Variants in ABCA8 observed in about 807,000 individuals in gnomAD.
The protein encoded by ABCA8 is ABC-type organic anion transporter ABCA8.
Under a neutral mutation model 192.3 loss-of-function variants are expected in ABCA8, and 177 were observed. The ratio of observed to expected loss-of-function variants is 0.92; its 90% CI spans 0.81 to 1.04. The LOEUF (loss-of-function observed/expected upper bound fraction) is 1.04, where lower values mean the gene tolerates loss of function less well. Ranked by LOEUF, ABCA8 falls within the 50% of genes least tolerant of loss-of-function variation. ABCA8 has a pLI of 0.00. For missense variants in ABCA8, 1,915 were observed against 1,904.8 expected (o/e 1.01, Z -0.10); for synonymous variants, 642 against 690.2 (o/e 0.93, Z 1.09).
At chr17:68,902,119 T>G (rs2066931342) in intron 21 of ABCA8, among the ~76,000 whole-genome samples, 1 of 152,214 alleles carries the variant, frequency 6.6e-6, no homozygotes, top group Non-Finnish European at 1.5e-5. Flanking sequence ...AAAAATGAAG[T>G]ATTGATACAT....
chr17:68,917,532 T>C (rs1274187860), intron 16 of ABCA8, 81 bp from the exon 17 acceptor site: 2 of 976,508 alleles, frequency 2.0e-6, no homozygotes, highest in Admixed American at 2.3e-5. Context: ...TAATCATCTA[T>C]ATAATCAAAC....
At position 68,912,769 on chromosome 17, in the gene ABCA8, CAGAG is replaced by C. The variant is rs141921261; in HGVS notation, c.2138+4588_2138+4591del. 6.0e-5 allele frequency among the ~76,000 whole-genome samples: 9 copies of C among 149,886 alleles called. No individual in the cohort carries two copies. The South Asian group carries it at 1.0e-3, about 17-fold the overall frequency. ...ATGCAAATGTTATTAAGGCTAAAGA[CAGAG>C]AGAGAGAGAGAGACCCAATACAATA... is the stretch of plus-strand genomic sequence containing the variant. On this transcript the variant is annotated intron_variant, in intron 17 of 39. Coordinates refer to ENST00000586539, the MANE Select transcript of ABCA8 (RefSeq NM_001288985.2).
chr17:68,881,005 T>G, intron 32 of ABCA8, 115 bp downstream of exon 32: 1 of 743,934 alleles, frequency 1.3e-6, no homozygotes, highest in Non-Finnish European at 2.4e-6. Context: ...CTTGGGTAGT[T>G]CATTAATCAC....
At chr17:68,923,561 A>G (rs2067606368) in intron 11 of ABCA8, among the ~76,000 whole-genome samples, 1 of 152,196 alleles carries the variant, frequency 6.6e-6, no homozygotes, top group South Asian at 2.1e-4. Context: ...CACAGCACTT[A>G]TAATTGGGCA....
chr17:68,904,300 TAATAA>T (rs1412291599), intron 19 of ABCA8, among the ~76,000 whole-genome samples: 4 of 6,982 alleles, frequency 5.7e-4, no homozygotes, highest in Non-Finnish European at 8.4e-4. Context: ...GAAATAATAA[TAATAA>T]TAATAATAAT....
In ABCA8 at chr17:68,919,369, T is replaced by C; in HGVS notation, c.1720A>G (p.Thr574Ala). ...PQSNVQFDFL[T>A]VRENLRLFAK... Reference sequence around the variant, plus strand: ...AAGAGTCTGAGGTTTTCTCTTACAGTGAGGAAGTCAAATTGCACATTGGAT... The same window carrying C: ...AAGAGTCTGAGGTTTTCTCTTACAGCGAGGAAGTCAAATTGCACATTGGAT... Residue 574 changes from threonine to alanine, a missense_variant, in exon 14 of 40, where the codon ACT becomes GCT. By Grantham distance (58) the Thr-to-Ala change is moderately conservative. Transcript: ENST00000586539. 1.2e-6 allele frequency: 2 copies of C among 1,614,046 alleles called. No homozygotes were observed. The highest frequency in any genetic ancestry group is 1.1e-5 in the South Asian group (1 of 91,074).
At position 68,910,453 on chromosome 17, in the gene ABCA8, G is replaced by A. The variant is rs529175549; in HGVS notation, c.2139-2574C>T. Among the ~76,000 whole-genome samples, 3 of 152,278 alleles carry A rather than the reference G, an allele frequency of 2.0e-5. No homozygotes were observed. In the East Asian group the frequency reaches 5.8e-4, roughly 29 times the overall value. On this transcript the variant is annotated intron_variant, in intron 17 of 39. Transcript: ENST00000586539. ...TAGACCAGCCTTAGCCAGAGGGGAA[G>A]CATTCATCCCACTACCATGGACTAA... is the stretch of plus-strand genomic sequence containing the variant.
rs564395276 is a variant in ABCA8, at chr17:68,896,280, CAG to C, written c.2765-1269_2765-1268del. On this transcript the variant is annotated intron_variant, in intron 21 of 39. Transcript: ENST00000586539. ...AAGTTTACTAGAGAGAGCAGCAAAA[CAG>C]AGAGTTAAGAAGAGCCCTTCTGTGG... is the stretch of plus-strand genomic sequence containing the variant. Among the ~76,000 whole-genome samples the C allele has an allele frequency of 2.7e-3, 405 of 152,262 alleles. 1 individual carries two copies. The highest frequency in any genetic ancestry group is 8.8e-3 in the African/African-American group (366 of 41,544).
At chr17:68,896,144 CAG>C (rs2066751892) in intron 21 of ABCA8, among the ~76,000 whole-genome samples, 1 of 152,088 alleles carries the variant, frequency 6.6e-6, no homozygotes, top group Non-Finnish European at 1.5e-5. Context: ...TTAGTTGGAA[CAG>C]AGTTTGGGGA....
At chr17:68,930,725 A>G (rs1005690585) in intron 7 of ABCA8, among the ~76,000 whole-genome samples, 9 of 152,158 alleles carry the variant, frequency 5.9e-5, no homozygotes, top group African/African-American at 2.4e-5. Flanking sequence ...TTTTGGCTCT[A>G]TAGTCTTTAG....
chr17:68,927,884 T>A (rs1191161350), intron 10 of ABCA8, 32 bp downstream of exon 10: 5 of 1,446,840 alleles, frequency 3.5e-6, no homozygotes, highest in Non-Finnish European at 4.7e-6. Flanking sequence ...ACTATTTAAA[T>A]GATATATGAT....
intron 26 of ABCA8, 85 bp downstream of exon 26, chr17:68,886,932 A>T: frequency 1.2e-6 from 1 of 826,836 alleles, no homozygotes; most frequent in Non-Finnish European, 1.9e-6. Flanking sequence ...TAATATTATC[A>T]TCCTACAGAG....
rs141102127 is a variant in ABCA8, at chr17:68,914,093, A to T, written c.2138+3268T>A. On this transcript the variant is annotated intron_variant, in intron 17 of 39. Transcript: ENST00000586539. ...CTGATGCTGAAAAAGCAATTGATAA[A>T]ATTCAACATCTCTTCATGATAAAAC... Among the ~76,000 whole-genome samples the T allele has an allele frequency of 2.5e-3, 382 of 152,258 alleles. 1 individual carries two copies. Among genetic ancestry groups the T allele is most frequent in the Admixed American group, 3.1e-3 (47 of 15,300 alleles).
chr17:68,881,146 C>A lies in ABCA8; in HGVS notation c.4012G>T (p.Gly1338Ter), dbSNP rs375299285. 5 of 1,613,578 alleles carry A rather than the reference C, an allele frequency of 3.1e-6. No individual in the cohort carries two copies. Among genetic ancestry groups the A allele is most frequent in the Non-Finnish European group, 4.2e-6 (5 of 1,179,582 alleles). Residue 1338 changes from glycine (G) to a stop codon, truncating the protein, a stop_gained, in exon 32 of 40, where the codon GGA (glycine) becomes TGA (stop). Coordinates refer to ENST00000586539, the MANE Select transcript of ABCA8 (RefSeq NM_001288985.2). LOFTEE classifies it high-confidence loss of function. ...GKSTSIKVITGDTKPTAGQVL... is the reference protein window; with the variant it reads ...GKSTSIKVIT Reference sequence around the variant, plus strand: ...TGTCCAGCAGTTGGTTTTGTGTCTCCAGTTATCACCTTAATGGATGTGCTT... The same window carrying A: ...TGTCCAGCAGTTGGTTTTGTGTCTCAAGTTATCACCTTAATGGATGTGCTT...
In ABCA8 at chr17:68,905,089, G is replaced by T. The variant is rs555466579; in HGVS notation, c.2398+955C>A. 1.8e-4 allele frequency among the ~76,000 whole-genome samples: 27 copies of T among 152,332 alleles called. 1 individual carries two copies. The South Asian group carries it at 5.4e-3, about 30-fold the overall frequency. On this transcript the variant is annotated intron_variant, in intron 19 of 39. Coordinates refer to ENST00000586539, the MANE Select transcript of ABCA8 (RefSeq NM_001288985.2). ...GTGGACTGAATCTAATAAAACCTGT[G>T]CAAAAGCCCAGGCACTTGCCAAATA...
chr17:68,876,791 C>G, intron 33 of ABCA8, 88 bp from the exon 34 acceptor site: 1 of 1,517,206 alleles, frequency 6.6e-7, no homozygotes, highest in South Asian at 1.1e-5. Flanking sequence ...AAGCAGAACT[C>G]AAAAATGCAG....
In ABCA8 at chr17:68,921,852, G is replaced by C. The variant is rs868058464; in HGVS notation, c.1502-360C>G. ...GTTATTACATGGCTAAAACTCCTTT[G>C]AGGTAAGTGACATTTTCACACAAAA... is the stretch of plus-strand genomic sequence containing the variant. On this transcript the variant is annotated intron_variant, in intron 12 of 39. Transcript: ENST00000586539. Among the ~76,000 whole-genome samples the C allele has an allele frequency of 1.3e-3, 205 of 152,018 alleles. 1 individual carries two copies. The highest frequency in any genetic ancestry group is 4.7e-3 in the African/African-American group (195 of 41,486).
At chr17:68,917,499 A>G (rs2143598423) in intron 16 of ABCA8, 48 bp from the exon 17 acceptor site, 1 of 1,371,106 alleles carries the variant, frequency 7.3e-7, no homozygotes, top group Non-Finnish European at 1.0e-6. Context: ...AAAGTGGCCC[A>G]TCCATTTCCA....
chr17:68,875,464 C>T, intron 36 of ABCA8, 64 bp from the exon 37 acceptor site: 1 of 1,605,374 alleles, frequency 6.2e-7, no homozygotes, highest in Non-Finnish European at 8.5e-7. Flanking sequence ...GTTTGAGAAA[C>T]TTGATTTGCT....
Sources: allele counts gnomAD v4.1 joint callset (sites outside exome capture counted in the v4.1 genomes callset), GRCh38; gene constraint gnomAD v4.1.1; transcripts MANE v1.5; gene names NCBI Gene and HGNC (gene_info 2026-07-23, HGNC 2026-07-21).